The following SETBP1 variants were observed in gnomAD, a reference collection of about 807,000 sequenced individuals.
The protein encoded by SETBP1 is SET binding protein 1.
SETBP1 carries 9 observed loss-of-function variants against 101.0 expected under a neutral mutation model. The observed-to-expected ratio is 0.09, with a 90% confidence interval of 0.05 to 0.16. SETBP1 has a LOEUF of 0.16. SETBP1 is among the 10% of genes least tolerant of loss of function. The pLI is 1.00. For missense variants in SETBP1, 1,858 were observed against 2,033.8 expected (o/e 0.91, Z 1.66); for synonymous variants, 818 against 788.5 (o/e 1.04, Z -0.63).
chr18:44,811,426 G>A (rs2071860434), intron 2 of SETBP1, among the ~76,000 whole-genome samples: 1 of 152,234 alleles, frequency 6.6e-6, no homozygotes, highest in Non-Finnish European at 1.5e-5. Context: ...CCAAAGGAGG[G>A]AGATATCAAT....
intron 2 of SETBP1, among the ~76,000 whole-genome samples, chr18:44,861,041 A>T (rs1282219531): frequency 6.6e-6 from 1 of 152,122 alleles, no homozygotes; most frequent in Non-Finnish European, 1.5e-5. Context: ...AATAGATGTT[A>T]ACATGGAAGT....
At chr18:45,019,081 C>T (rs902527365) in intron 4 of SETBP1, among the ~76,000 whole-genome samples, 1 of 152,166 alleles carries the variant, frequency 6.6e-6, no homozygotes, top group African/African-American at 2.4e-5. Context: ...CCACTGGAGA[C>T]AGGAAGCCTC....
At chr18:44,963,965 T>C (rs929260350) in intron 4 of SETBP1, among the ~76,000 whole-genome samples, 11 of 132,560 alleles carry the variant, frequency 8.3e-5, no homozygotes, top group African/African-American at 3.1e-4. Flanking sequence ...GAGCAGCAAG[T>C]CATTAAGAGA....
intron 5 of SETBP1, 84 bp downstream of exon 5, chr18:45,038,739 G>C: frequency 6.9e-7 from 1 of 1,445,726 alleles, no homozygotes; most frequent in Non-Finnish European, 9.6e-7. Context: ...GTTGAATACA[G>C]GTAAGAGTTC....
intron 4 of SETBP1, among the ~76,000 whole-genome samples, chr18:44,964,936 G>A (rs576469154): frequency 6.6e-6 from 1 of 152,266 alleles, no homozygotes; most frequent in African/African-American, 2.4e-5. Flanking sequence ...TCCAAACGGG[G>A]ATACATTTTA....
intron 3 of SETBP1, among the ~76,000 whole-genome samples, chr18:44,901,852 A>G (rs1008621027): frequency 3.9e-5 from 6 of 152,226 alleles, no homozygotes; most frequent in Admixed American, 2.6e-4. Flanking sequence ...TTCTTAAACC[A>G]TTAAGAATCA....
chr18:44,722,359 A>G (rs2069619136), intron 2 of SETBP1, among the ~76,000 whole-genome samples: 1 of 151,920 alleles, frequency 6.6e-6, no homozygotes, highest in African/African-American at 2.4e-5. Context: ...CTGCTGCCCT[A>G]CCTTCTCACA....
chr18:44,938,006 C>G (rs1028497357), intron 3 of SETBP1, among the ~76,000 whole-genome samples: 1 of 152,210 alleles, frequency 6.6e-6, no homozygotes, highest in Admixed American at 6.5e-5. Flanking sequence ...GATATTGTTT[C>G]GTCCTCAGCA....
intron 3 of SETBP1, among the ~76,000 whole-genome samples, chr18:44,918,329 G>T (rs2070495261): frequency 6.6e-6 from 1 of 152,190 alleles, no homozygotes; most frequent in Non-Finnish European, 1.5e-5. Flanking sequence ...AGGGGCCCAG[G>T]CTCAGCTGGA....
At chr18:44,857,543 G>A (rs745547704) in intron 2 of SETBP1, among the ~76,000 whole-genome samples, 13 of 5,320 alleles carry the variant, frequency 2.4e-3, no homozygotes, top group East Asian at 0.012. Context: ...CAGTCCCTTC[G>A]GTGGGCCCTT....
Position 45,005,643 on chromosome 18 carries a change from C to CTTT in SETBP1, c.4001-32823_4001-32821dup, listed in dbSNP as rs11301319. On this transcript the variant is annotated intron_variant, in intron 4 of 5. Coordinates refer to ENST00000649279, the MANE Select transcript of SETBP1 (RefSeq NM_015559.3). Reference sequence around the variant, plus strand: ...GCCTCCGTGAAGTCTTAAAATCTTCCTTTTTTTTTTTTTTTTTTTTTGAGA... The same window carrying CTTT: ...GCCTCCGTGAAGTCTTAAAATCTTCCTTTTTTTTTTTTTTTTTTTTTTTTGAGA... Among the ~76,000 whole-genome samples, 18 of 116,230 alleles carry CTTT rather than the reference C, an allele frequency of 1.5e-4. 1 individual carries two copies. Among genetic ancestry groups the CTTT allele is most frequent in the Admixed American group, 2.8e-4 (3 of 10,890 alleles). The allele number at this position is 116,230 out of a possible 152,430, so 76.3% of individuals were successfully genotyped here.
intron 4 of SETBP1, among the ~76,000 whole-genome samples, chr18:44,969,314 A>C (rs2071789543): frequency 6.6e-6 from 1 of 152,230 alleles, no homozygotes; most frequent in East Asian, 1.9e-4. Context: ...TGAGAGTCTG[A>C]CAAGAGGGGA....
At chr18:44,908,454 T>C (rs1008849005) in intron 3 of SETBP1, among the ~76,000 whole-genome samples, 1 of 152,222 alleles carries the variant, frequency 6.6e-6, no homozygotes, top group Non-Finnish European at 1.5e-5. Flanking sequence ...TGAAAAGACT[T>C]ATTCCCCATT....
chr18:44,891,255 A>C (rs1599283141), intron 3 of SETBP1, among the ~76,000 whole-genome samples: 1 of 152,162 alleles, frequency 6.6e-6, no homozygotes, highest in African/African-American at 2.4e-5. Context: ...ACAACACGTG[A>C]GAATTCAAAA....
At chr18:44,829,347 A>G (rs1296737632) in intron 2 of SETBP1, among the ~76,000 whole-genome samples, 3 of 152,226 alleles carry the variant, frequency 2.0e-5, no homozygotes, top group African/African-American at 7.2e-5. Context: ...TTGGTCAAGT[A>G]TAATTCTATT....
chr18:44,804,995 G>GCCCT (rs1402123113), intron 2 of SETBP1, among the ~76,000 whole-genome samples: 1 of 152,066 alleles, frequency 6.6e-6, no homozygotes, highest in Non-Finnish European at 1.5e-5. Context: ...TCCTCTGTAA[G>GCCCT]CCTTAGACAC....
At chr18:44,880,589 A>G (rs2069508195) in intron 3 of SETBP1, among the ~76,000 whole-genome samples, 2 of 152,228 alleles carry the variant, frequency 1.3e-5, no homozygotes. Context: ...CAGGTTATTC[A>G]GGAAGCGTGG....
At chr18:44,769,405 C>T (rs985524762) in intron 2 of SETBP1, among the ~76,000 whole-genome samples, 2 of 152,172 alleles carry the variant, frequency 1.3e-5, no homozygotes, top group African/African-American at 4.8e-5. Flanking sequence ...TTTCAGACCA[C>T]AAGAAGTTCC....
intron 2 of SETBP1, among the ~76,000 whole-genome samples, chr18:44,716,996 C>T (rs2069481902): frequency 6.6e-6 from 1 of 152,214 alleles, no homozygotes; most frequent in Admixed American, 6.5e-5. Flanking sequence ...GCACTTGACA[C>T]ACATTGCTAC....
Sources: allele counts gnomAD v4.1 joint callset (sites outside exome capture counted in the v4.1 genomes callset), GRCh38; gene constraint gnomAD v4.1.1; transcripts MANE v1.5; gene names NCBI Gene and HGNC (gene_info 2026-07-23, HGNC 2026-07-21).